The following CACNA1D variants were observed in gnomAD, a reference collection of about 807,000 sequenced individuals.
The protein encoded by CACNA1D is calcium voltage-gated channel subunit alpha1 D, also known as voltage-dependent L-type calcium channel subunit alpha-1D.
CACNA1D carries 55 observed loss-of-function variants against 257.1 expected under a neutral mutation model. The observed-to-expected ratio is 0.21, with a 90% confidence interval of 0.17 to 0.27. The LOEUF (loss-of-function observed/expected upper bound fraction) is 0.27, where lower values mean the gene tolerates loss of function less well. CACNA1D is among the 10% of genes least tolerant of loss of function. The pLI is 1.00. For missense variants in CACNA1D, 1,876 were observed against 2,784.0 expected (o/e 0.67, Z 7.34); for synonymous variants, 980 against 1,014.9 (o/e 0.97, Z 0.65).
chr3:53,717,501 C>A (rs1029566887), intron 9 of CACNA1D, among the ~76,000 whole-genome samples: 2 of 152,232 alleles, frequency 1.3e-5, no homozygotes, highest in Admixed American at 1.3e-4. Flanking sequence ...GACCTCCACA[C>A]ACTAGTGGGC....
At chr3:53,649,391 C>A (rs1328796221) in intron 3 of CACNA1D, among the ~76,000 whole-genome samples, 4 of 151,662 alleles carry the variant, frequency 2.6e-5, no homozygotes, top group African/African-American at 9.7e-5. Flanking sequence ...GCTTTTTTTC[C>A]CCCTGGAATC....
In CACNA1D at chr3:53,660,114, T is replaced by C; in HGVS notation, c.624-19T>C. The C allele has an allele frequency of 1.2e-6, 2 of 1,611,628 alleles. No homozygotes were observed. The highest frequency in any genetic ancestry group is 1.1e-5 in the South Asian group (1 of 91,048). On this transcript the variant is annotated intron_variant, in intron 4 of 47. Coordinates refer to ENST00000350061, the MANE Select transcript of CACNA1D (RefSeq NM_001128840.3). ...GGGGTAACAGACTCTAACATTTCTTTCTCTTTCTCTTCTTTCAGATTGTTT... is the reference window on the plus strand; with the variant it reads ...GGGGTAACAGACTCTAACATTTCTTCCTCTTTCTCTTCTTTCAGATTGTTT...
chr3:53,715,751 A>G (rs2094811952), intron 9 of CACNA1D, among the ~76,000 whole-genome samples: 1 of 152,210 alleles, frequency 6.6e-6, no homozygotes, highest in African/African-American at 2.4e-5. Flanking sequence ...TGAAGGACAG[A>G]ATCAGCTCAG....
chr3:53,785,353 A>G lies in CACNA1D; in HGVS notation c.4793-1469A>G, dbSNP rs75700721. On this transcript the variant is annotated intron_variant, in intron 39 of 47. Coordinates refer to ENST00000350061, the MANE Select transcript of CACNA1D (RefSeq NM_001128840.3). ...TTAGCTTAGGTTTAGAAGGAACAGAACACTTCTCCAGGCCAGACCACCTGA... is the reference window on the plus strand; with the variant it reads ...TTAGCTTAGGTTTAGAAGGAACAGAGCACTTCTCCAGGCCAGACCACCTGA... 9.5e-3 allele frequency among the ~76,000 whole-genome samples: 1,453 copies of G among 152,316 alleles called. 26 individuals carry two copies. Among genetic ancestry groups the G allele is most frequent in the African/African-American group, 0.032 (1,345 of 41,572 alleles).
chr3:53,769,147 G>C (rs1370907780), intron 30 of CACNA1D, among the ~76,000 whole-genome samples: 1 of 152,268 alleles, frequency 6.6e-6, no homozygotes, highest in Non-Finnish European at 1.5e-5. Context: ...TGGGCACGGA[G>C]TGGAGTGAGG....
rs1450818806 is a variant in CACNA1D, at chr3:53,751,226, G to A, written c.3517-523G>A. On this transcript the variant is annotated intron_variant, in intron 27 of 47. Coordinates refer to ENST00000350061, the MANE Select transcript of CACNA1D (RefSeq NM_001128840.3). This position sits in a 1 kb window ranked among gnomAD's most constrained non-coding sequence, Gnocchi z 4.3. ...AGGGTATCTCATGTGGTTCCAACTGGGAGCATCCAGGAGGCTACTAGTCTT... is the reference window on the plus strand; with the variant it reads ...AGGGTATCTCATGTGGTTCCAACTGAGAGCATCCAGGAGGCTACTAGTCTT... 6.6e-6 allele frequency among the ~76,000 whole-genome samples: 1 copy of A among 152,208 alleles called. No homozygotes were observed. The highest frequency in any genetic ancestry group is 2.4e-5 in the African/African-American group (1 of 41,456).
intron 47 of CACNA1D, among the ~76,000 whole-genome samples, 183 bp from the exon 48 acceptor site, chr3:53,810,930 C>T (rs2095597483): frequency 6.6e-6 from 1 of 152,000 alleles, no homozygotes; most frequent in Admixed American, 6.6e-5. Context: ...TTTTTTAGCT[C>T]CAGGACATTT....
intron 8 of CACNA1D, among the ~76,000 whole-genome samples, chr3:53,691,742 CATATATAATATATATT>C (rs2094523301): frequency 8.7e-5 from 3 of 34,346 alleles, no homozygotes; most frequent in Non-Finnish European, 1.7e-4. Flanking sequence ...ATATATATTA[CATATATAATATATATT>C]ACATATAATA....
intron 3 of CACNA1D, among the ~76,000 whole-genome samples, chr3:53,581,461 A>G (rs2093131798): frequency 6.6e-6 from 1 of 152,202 alleles, no homozygotes; most frequent in South Asian, 2.1e-4. Context: ...AAGACACGGT[A>G]TTACTTCAGT....
chr3:53,609,609 A>C (rs1325200727), intron 3 of CACNA1D, among the ~76,000 whole-genome samples: 1 of 152,098 alleles, frequency 6.6e-6, no homozygotes, highest in East Asian at 1.9e-4. Flanking sequence ...TAGGTATTCT[A>C]GTAATTGTCT....
intron 29 of CACNA1D, among the ~76,000 whole-genome samples, chr3:53,760,511 A>G (rs957755048): frequency 2.6e-5 from 4 of 152,214 alleles, no homozygotes; most frequent in Non-Finnish European, 4.4e-5. Context: ...ACTCTTTGGA[A>G]AAACACAGTT....
intron 3 of CACNA1D, among the ~76,000 whole-genome samples, chr3:53,520,849 C>CCTTTCTTTCTTTCTTTCTTTCTTTCTTT (rs71074924): frequency 6.8e-5 from 9 of 133,104 alleles, no homozygotes; most frequent in East Asian, 6.3e-4. Flanking sequence ...TTTGCAAACT[C>CCTTTCTTTCTTTCTTTCTTTCTTTCTTT]CTTTCTTTCT....
intron 3 of CACNA1D, among the ~76,000 whole-genome samples, chr3:53,644,130 A>G (rs1391438410): frequency 6.6e-6 from 1 of 152,236 alleles, no homozygotes; most frequent in Non-Finnish European, 1.5e-5. Context: ...TGAAATAGAA[A>G]TGATCTCTGG....
intron 40 of CACNA1D, among the ~76,000 whole-genome samples, chr3:53,792,764 C>T (rs2095490232): frequency 6.6e-6 from 1 of 152,168 alleles, no homozygotes; most frequent in Non-Finnish European, 1.5e-5. Flanking sequence ...CCAGTGGTGT[C>T]TTTTGTGCCT....
At chr3:53,749,543 C>T in intron 27 of CACNA1D, 74 bp downstream of exon 27, 1 of 1,081,202 alleles carries the variant, frequency 9.2e-7, no homozygotes, top group Non-Finnish European at 1.4e-6. Flanking sequence ...ACTGATTTCC[C>T]CCATACCCAG....
chr3:53,802,748 G>C (rs2095542579), intron 43 of CACNA1D, among the ~76,000 whole-genome samples: 1 of 152,232 alleles, frequency 6.6e-6, no homozygotes, highest in Non-Finnish European at 1.5e-5. Flanking sequence ...GGCCCAAGTT[G>C]GGTGCAAGAA....
intron 3 of CACNA1D, among the ~76,000 whole-genome samples, chr3:53,516,914 A>G (rs756118611): frequency 6.6e-6 from 1 of 152,170 alleles, no homozygotes; most frequent in Non-Finnish European, 1.5e-5. Context: ...CACTTTCTTC[A>G]CTGTTGCAGT....
chr3:53,541,208 A>G (rs2092288567), intron 3 of CACNA1D, among the ~76,000 whole-genome samples: 1 of 152,194 alleles, frequency 6.6e-6, no homozygotes, highest in Admixed American at 6.5e-5. Flanking sequence ...AAATATTAAT[A>G]GACAATATTT....
chr3:53,799,639 G>A (rs1559709286), intron 40 of CACNA1D, among the ~76,000 whole-genome samples: 1 of 152,232 alleles, frequency 6.6e-6, no homozygotes, highest in Non-Finnish European at 1.5e-5. Flanking sequence ...TGATGACCAC[G>A]GTGGCCGGGT....
Sources: gnomAD v4.1 joint callset for allele counts (sites outside exome capture counted in the v4.1 genomes callset) on GRCh38, gnomAD v4.1.1 for gene constraint, Gnocchi (gnomAD v3.1) non-coding constraint, MANE v1.5 for transcripts, NCBI Gene and HGNC (gene_info 2026-07-23, HGNC 2026-07-21) for gene names.